NMT2: variants seen among roughly 807,000 people sequenced by gnomAD.
NMT2 encodes glycylpeptide N-tetradecanoyltransferase 2.
In NMT2, 35 loss-of-function variants were observed where a neutral mutation model predicts 65.4. The observed-to-expected ratio is 0.54, with a 90% CI of 0.41 to 0.71. The LOEUF is 0.71. NMT2 is among the 30% of genes least tolerant of loss of function. NMT2 has a pLI of 0.00. For missense variants in NMT2, 489 were observed against 611.3 expected, an observed-to-expected ratio of 0.80 and a Z score of 2.11; for synonymous variants, 226 against 231.8, an observed-to-expected ratio of 0.98 and a Z score of 0.23.
In NMT2 at chr10:15,108,206, G is replaced by A. The variant is rs1554819634; in HGVS notation, c.*989C>T. 1.1e-6 allele frequency: 1 copy of A among 931,046 alleles called. No individual in the cohort carries two copies. The highest frequency in any genetic ancestry group is 2.0e-5 in the African/African-American group (1 of 49,246). 57.7% of individuals were successfully genotyped at this position (931,046 alleles called of 1,614,324 possible). ...GCTCTTTCTTTTTTTTTTTTTTTGA[G>A]ACGGAGTCTCACGCTCTGTCACCCA... On this transcript the variant is annotated 3_prime_UTR_variant, in exon 12 of 12. Coordinates refer to ENST00000378165, the MANE Select transcript of NMT2 (RefSeq NM_004808.3).
At chr10:15,119,849 G>C (rs778760131) in intron 8 of NMT2, among the ~76,000 whole-genome samples, 1 of 152,178 alleles carries the variant, frequency 6.6e-6, no homozygotes, top group Non-Finnish European at 1.5e-5. Context: ...ACAAGTTCAT[G>C]ATGTACGCCA....
At position 15,106,671 on chromosome 10, in the gene NMT2, T is replaced by A. The variant is rs115654320; in HGVS notation, c.*2524A>T. On this transcript the variant is annotated 3_prime_UTR_variant, in exon 12 of 12. Coordinates refer to ENST00000378165, the MANE Select transcript of NMT2 (RefSeq NM_004808.3). Reference sequence around the variant, plus strand: ...CTATAGAAAGGAGAGTTCCAACTCCTTCGTAGTGACCAAGGTCAACAAACT... The same window carrying A: ...CTATAGAAAGGAGAGTTCCAACTCCATCGTAGTGACCAAGGTCAACAAACT... The A allele has an allele frequency of 1.7e-3, 1,695 of 985,140 alleles. 25 individuals carry two copies. In the African/African-American group the frequency reaches 0.027, roughly 16 times the overall value. 61.0% of individuals were successfully genotyped at this position (985,140 alleles called of 1,614,324 possible).
chr10:15,133,338 T>C lies in NMT2; in HGVS notation c.417A>G (p.Ala139=). The change falls in exon 4 of 12, where the codon GCA becomes GCG. Residue 139 remains alanine (A), a synonymous_variant. Coordinates refer to ENST00000378165, the MANE Select transcript of NMT2 (RefSeq NM_004808.3). ...KLDEVITSHG[A]IEPDKDNVRQ... ...GTACGTTGTCTTTATCTGGTTCAATTGCACCATGAGATGTTATGACTTCAT... is the reference window on the plus strand; with the variant it reads ...GTACGTTGTCTTTATCTGGTTCAATCGCACCATGAGATGTTATGACTTCAT... The C allele has an allele frequency of 6.2e-7, 1 of 1,613,778 alleles. No individual in the cohort carries two copies. The highest frequency in any genetic ancestry group is 1.7e-5 in the Admixed American group (1 of 60,016).
At chr10:15,155,819 G>A (rs187190580) in intron 1 of NMT2, among the ~76,000 whole-genome samples, 12 of 152,128 alleles carry the variant, frequency 7.9e-5, no homozygotes, top group Admixed American at 1.3e-4. Context: ...TTGTGCTTTA[G>A]GGCCATGGAA....
chr10:15,126,290 G>C (rs377732656), intron 8 of NMT2, among the ~76,000 whole-genome samples: 4 of 151,942 alleles, frequency 2.6e-5, no homozygotes, highest in African/African-American at 9.7e-5. Flanking sequence ...TTAGCTGGGC[G>C]TGGTGGTGCA....
chr10:15,138,439 AC>A (rs756594722), intron 2 of NMT2: 146 of 471,072 alleles, frequency 3.1e-4, no homozygotes, highest in Non-Finnish European at 5.7e-5. Context: ...TAGTAGCACT[AC>A]CTGGGAAGAA....
rs55857922 is a variant in NMT2 at position 15,108,495 on chromosome 10, T to A, written c.*700A>T. ...CCACCACGCCCGGCCTCAGGCTCTT[T>A]CAGAGAGCACAGTGAGTGCTTGCAC... On this transcript the variant is annotated 3_prime_UTR_variant, in exon 12 of 12. Coordinates refer to ENST00000378165, the MANE Select transcript of NMT2 (RefSeq NM_004808.3). 20,251 of 985,656 alleles carry A rather than the reference T, an allele frequency of 0.021. 335 individuals carry two copies. Among genetic ancestry groups the A allele is most frequent in the African/African-American group, 0.08 (4,612 of 57,350 alleles). 61.1% of individuals were successfully genotyped at this position (985,656 alleles called of 1,614,324 possible). A position where few individuals can be genotyped will look rare whatever the true frequency, so the allele number is the denominator to read the frequency against.
intron 9 of NMT2, among the ~76,000 whole-genome samples, chr10:15,113,271 C>T (rs1845628222): frequency 6.6e-6 from 1 of 151,196 alleles, no homozygotes; most frequent in African/African-American, 2.4e-5. Flanking sequence ...GAGTTCGAGA[C>T]CAGCCTGACC....
At chr10:15,141,234 T>C in intron 2 of NMT2, 188 bp downstream of exon 2, 3 of 809,524 alleles carry the variant, frequency 3.7e-6, no homozygotes, top group Admixed American at 2.7e-5. Context: ...AAGCACAGTG[T>C]ACCCCTTCGT....
At chr10:15,161,730 G>A (rs772933719) in intron 1 of NMT2, among the ~76,000 whole-genome samples, 8 of 152,186 alleles carry the variant, frequency 5.3e-5, no homozygotes, top group Non-Finnish European at 1.0e-4. Context: ...AGTCTAAAAT[G>A]TTTTTGTTAA....
chr10:15,155,625 C>T (rs1173264580), intron 1 of NMT2, among the ~76,000 whole-genome samples: 1 of 141,902 alleles, frequency 7.0e-6, no homozygotes, highest in Non-Finnish European at 1.5e-5. Flanking sequence ...TCAAGTGATC[C>T]TCCCACCTTG....
chr10:15,142,753 T>C (rs1445649689), intron 1 of NMT2, among the ~76,000 whole-genome samples: 3 of 152,220 alleles, frequency 2.0e-5, no homozygotes, highest in Non-Finnish European at 4.4e-5. Context: ...GCTATCATGA[T>C]GTTTATATTT....
At chr10:15,127,609 T>C (rs1344423744) in intron 8 of NMT2, among the ~76,000 whole-genome samples, 1 of 119,884 alleles carries the variant, frequency 8.3e-6, no homozygotes, top group Non-Finnish European at 1.9e-5. Context: ...ATAAAATAAA[T>C]AAATAACTTT....
At chr10:15,160,681 G>A (rs990209375) in intron 1 of NMT2, among the ~76,000 whole-genome samples, 3 of 152,072 alleles carry the variant, frequency 2.0e-5, no homozygotes, top group Non-Finnish European at 2.9e-5. Flanking sequence ...GGCTGAGGCA[G>A]GAGAATCGCT....
At chr10:15,131,547 A>G (rs1163530058) in intron 6 of NMT2, among the ~76,000 whole-genome samples, 1 of 152,148 alleles carries the variant, frequency 6.6e-6, no homozygotes, top group African/African-American at 2.4e-5. Flanking sequence ...GTGTGATACA[A>G]ACCCCTGGGA....
Position 15,108,208 on chromosome 10 carries a change from C to T in NMT2, c.*987G>A, listed in dbSNP as rs1207852044. The T allele has an allele frequency of 3.8e-5, 36 of 943,266 alleles. No individual in the cohort carries two copies. Among genetic ancestry groups the T allele is most frequent in the African/African-American group, 4.0e-5 (2 of 49,776 alleles). The allele number at this position is 943,266 out of a possible 1,614,324, so 58.4% of individuals were successfully genotyped here. On this transcript the variant is annotated 3_prime_UTR_variant, in exon 12 of 12. Coordinates refer to ENST00000378165, the MANE Select transcript of NMT2 (RefSeq NM_004808.3). ...TCTTTCTTTTTTTTTTTTTTTGAGA[C>T]GGAGTCTCACGCTCTGTCACCCAGG... is the stretch of plus-strand genomic sequence containing the variant.
chr10:15,137,597 T>C (rs879602438), intron 2 of NMT2, among the ~76,000 whole-genome samples: 2 of 152,168 alleles, frequency 1.3e-5, no homozygotes, highest in African/African-American at 4.8e-5. Context: ...GATCACAGCA[T>C]ATTTCAACTA....
At chr10:15,137,989 T>TTTC (rs969156031) in intron 2 of NMT2, among the ~76,000 whole-genome samples, 8 of 151,424 alleles carry the variant, frequency 5.3e-5, no homozygotes, top group Non-Finnish European at 7.4e-5. Flanking sequence ...AAATGCTTTC[T>TTTC]TTCTTCTTCT....
intron 1 of NMT2, among the ~76,000 whole-genome samples, chr10:15,150,409 T>TC (rs1260828447): frequency 1.3e-5 from 2 of 152,160 alleles, no homozygotes; most frequent in African/African-American, 2.4e-5. Context: ...ACTCTTTTTT[T>TC]CCCAAGTGTA....
Sources: gnomAD v4.1 joint callset for allele counts (sites outside exome capture counted in the v4.1 genomes callset) on GRCh38, gnomAD v4.1.1 for gene constraint, MANE v1.5 for transcripts, NCBI Gene and HGNC (gene_info 2026-07-23, HGNC 2026-07-21) for gene names.